The following USH2A variants were observed in gnomAD, a reference collection of about 807,000 sequenced individuals.
USH2A encodes usherin.
Under a neutral mutation model 538.9 loss-of-function variants are expected in USH2A, and 443 were observed. The observed-to-expected ratio is 0.82, with a 90% confidence interval of 0.76 to 0.89. The LOEUF is 0.89. Among genes scored for constraint, USH2A ranks in the 40% least tolerant of loss-of-function variants. The pLI is 0.00. For missense variants in USH2A, 6,633 were observed against 6,324.8 expected (o/e 1.05, Z -1.65); for synonymous variants, 2,413 against 2,273.5 (o/e 1.06, Z -1.75).
At chr1:216,335,993 T>C (rs1014246720) in intron 4 of USH2A, among the ~76,000 whole-genome samples, 1 of 151,540 alleles carries the variant, frequency 6.6e-6, no homozygotes, top group Non-Finnish European at 1.5e-5. Flanking sequence ...CCAATATGCC[T>C]TATGAATACA....
intron 32 of USH2A, among the ~76,000 whole-genome samples, chr1:216,019,127 G>A: frequency 6.6e-6 from 1 of 152,158 alleles, no homozygotes; most frequent in Middle Eastern, 3.4e-3. Context: ...ATTTTATCTG[G>A]CTAGAAGAAT....
chr1:215,648,542 A>G lies in USH2A; in HGVS notation c.14568T>C (p.Asn4856=), dbSNP rs1431735840. 2 of 1,614,104 alleles carry G rather than the reference A, an allele frequency of 1.2e-6. No individual in the cohort carries two copies. Among genetic ancestry groups the G allele is most frequent in the Admixed American group, 3.3e-5 (2 of 60,010 alleles). ...TGACCCATTACCTGTGAATGACACC[A>G]TTGGGGAACATGGGGGGACTCCACC... ...SFRWSPPMFP[N]GVIHSYELQF... The change falls in exon 66 of 72, where the codon AAT becomes AAC. Residue 4856 remains asparagine (N), a synonymous_variant. Coordinates refer to ENST00000307340, the MANE Select transcript of USH2A (RefSeq NM_206933.4).
chr1:215,678,276 CA>C (rs1206529640), intron 62 of USH2A, among the ~76,000 whole-genome samples: 1 of 152,180 alleles, frequency 6.6e-6, no homozygotes, highest in Non-Finnish European at 1.5e-5. Flanking sequence ...GCACTTGGAA[CA>C]AATTCTAAAC....
At chr1:216,286,453 G>C (rs1381923220) in intron 11 of USH2A, among the ~76,000 whole-genome samples, 1 of 152,140 alleles carries the variant, frequency 6.6e-6, no homozygotes, top group Non-Finnish European at 1.5e-5. Flanking sequence ...TTCTGGCCAG[G>C]TGTGGTGGCT....
At chr1:216,254,461 AC>A (rs1421639383) in intron 11 of USH2A, among the ~76,000 whole-genome samples, 1 of 152,066 alleles carries the variant, frequency 6.6e-6, no homozygotes, top group Non-Finnish European at 1.5e-5. Context: ...TTCCACAATA[AC>A]TCTAGATTGA....
At chr1:216,016,514 C>A (rs867534237) in intron 32 of USH2A, among the ~76,000 whole-genome samples, 1 of 152,240 alleles carries the variant, frequency 6.6e-6, no homozygotes, top group Middle Eastern at 3.4e-3. Context: ...TTCATGAAAA[C>A]CCTGTTCAAT....
chr1:216,083,070 G>A (rs193091894), intron 26 of USH2A, among the ~76,000 whole-genome samples: 1 of 152,008 alleles, frequency 6.6e-6, no homozygotes, highest in East Asian at 1.9e-4. Flanking sequence ...AGGTCCAGGA[G>A]TGTTCACTAT....
At chr1:215,862,078 T>C (rs1409606983) in intron 44 of USH2A, among the ~76,000 whole-genome samples, 3 of 152,044 alleles carry the variant, frequency 2.0e-5, no homozygotes, top group Non-Finnish European at 4.4e-5. Context: ...GACCTCATTA[T>C]CCGCCCACCT....
chr1:215,641,053 C>G (rs1656670397), intron 67 of USH2A, among the ~76,000 whole-genome samples: 1 of 152,080 alleles, frequency 6.6e-6, no homozygotes, highest in South Asian at 2.1e-4. Flanking sequence ...GATCTGCTCA[C>G]CAGCATAACC....
rs189217343 is a variant in USH2A, at chr1:215,972,057, G to A, written c.6806-1281C>T. ...TAGCTAAGAAGGTGATTCATCTGAC[G>A]TCCGCCCCAGCTACACATCCACGCT... On this transcript the variant is annotated intron_variant, in intron 35 of 71. Transcript: ENST00000307340. 3.3e-4 allele frequency among the ~76,000 whole-genome samples: 51 copies of A among 152,268 alleles called. No homozygotes were observed. The East Asian group carries it at 7.7e-3, about 23-fold the overall frequency.
At chr1:215,758,448 A>G (rs1237149808) in intron 58 of USH2A, 147 bp downstream of exon 58, 3 of 911,266 alleles carry the variant, frequency 3.3e-6, no homozygotes, top group East Asian at 2.6e-5. Context: ...TACACTTAGA[A>G]GTGTGGTTTA....
chr1:216,292,595 T>A (rs562701984), intron 9 of USH2A, among the ~76,000 whole-genome samples: 5 of 152,234 alleles, frequency 3.3e-5, no homozygotes, highest in South Asian at 2.1e-4. Flanking sequence ...TGGAAAATGA[T>A]CTTTTTTTTT....
intron 70 of USH2A, among the ~76,000 whole-genome samples, chr1:215,633,265 G>C (rs899965581): frequency 3.3e-5 from 5 of 152,182 alleles, no homozygotes; most frequent in African/African-American, 9.7e-5. Context: ...GGATGAGTGA[G>C]TAGAGGAGTG....
chr1:215,852,677 T>C (rs990182870), intron 44 of USH2A, among the ~76,000 whole-genome samples: 3 of 152,082 alleles, frequency 2.0e-5, no homozygotes, highest in Non-Finnish European at 2.9e-5. Flanking sequence ...GGTACAGGCA[T>C]TGGGTAAATA....
At chr1:215,868,707 C>A (rs1664546412) in intron 43 of USH2A, among the ~76,000 whole-genome samples, 1 of 152,070 alleles carries the variant, frequency 6.6e-6, no homozygotes, top group African/African-American at 2.4e-5. Context: ...ATGCTGATGT[C>A]TTTGGAAGAA....
At chr1:216,294,711 G>A (rs1274848937) in intron 9 of USH2A, among the ~76,000 whole-genome samples, 1 of 151,664 alleles carries the variant, frequency 6.6e-6, no homozygotes, top group Non-Finnish European at 1.5e-5. Flanking sequence ...ATCTGAGAAT[G>A]TCCATTTTCT....
At chr1:216,159,087 TGAATA>T (rs1375554752) in intron 21 of USH2A, among the ~76,000 whole-genome samples, 1 of 152,210 alleles carries the variant, frequency 6.6e-6, no homozygotes, top group Non-Finnish European at 1.5e-5. Context: ...CTGAGTAAAC[TGAATA>T]GTTTATATAT....
intron 34 of USH2A, among the ~76,000 whole-genome samples, chr1:215,994,797 G>A (rs375979668): frequency 3.0e-4 from 45 of 151,970 alleles, no homozygotes; most frequent in Admixed American, 3.3e-4. Flanking sequence ...ATTGCCCAAC[G>A]ATTAAAATAG....
intron 64 of USH2A, among the ~76,000 whole-genome samples, chr1:215,651,408 C>T (rs974197810): frequency 6.6e-6 from 1 of 152,016 alleles, no homozygotes; most frequent in South Asian, 2.1e-4. Context: ...TTAAATTAGG[C>T]CCAATAATAG....
Sources: allele counts gnomAD v4.1 joint callset (sites outside exome capture counted in the v4.1 genomes callset), GRCh38; gene constraint gnomAD v4.1.1; transcripts MANE v1.5; gene names NCBI Gene and HGNC (gene_info 2026-07-23, HGNC 2026-07-21).